Variants in NRG2 observed in about 807,000 individuals in gnomAD.
The protein encoded by NRG2 is pro-neuregulin-2, membrane-bound isoform.
In NRG2, 27 loss-of-function variants were observed where a neutral mutation model predicts 73.9. That is an observed-to-expected ratio of 0.37 (90% CI 0.27 to 0.50). NRG2 has a LOEUF of 0.50. Ranked by LOEUF, NRG2 falls within the 20% of genes least tolerant of loss-of-function variation. The pLI, the probability that NRG2 is intolerant of heterozygous loss-of-function variation, is 0.96. For missense variants in NRG2, 1,126 were observed against 1,210.1 expected (o/e 0.93, Z 1.03); for synonymous variants, 532 against 541.0 (o/e 0.98, Z 0.23).
At chr5:139,923,630 C>T (rs569237264) in intron 1 of NRG2, among the ~76,000 whole-genome samples, 1 of 152,292 alleles carries the variant, frequency 6.6e-6, no homozygotes, top group South Asian at 2.1e-4. Flanking sequence ...TACCTGTGTT[C>T]AAGGGCCAAA....
intron 1 of NRG2, among the ~76,000 whole-genome samples, chr5:139,929,575 G>C (rs1752307218): frequency 6.6e-6 from 1 of 152,220 alleles, no homozygotes. Flanking sequence ...CAGAAGCCAG[G>C]TAGGAAGAGT....
At chr5:139,978,020 G>A (rs1756506241) in intron 1 of NRG2, among the ~76,000 whole-genome samples, 1 of 152,142 alleles carries the variant, frequency 6.6e-6, no homozygotes, top group Non-Finnish European at 1.5e-5. Flanking sequence ...ATACCATTCA[G>A]GACATAGACA....
intron 1 of NRG2, among the ~76,000 whole-genome samples, chr5:139,994,969 G>A (rs893268869): frequency 7.9e-5 from 12 of 152,214 alleles, no homozygotes; most frequent in Non-Finnish European, 1.5e-4. Context: ...GTCAAAATGT[G>A]AAAGGCCTTG....
chr5:139,942,498 G>A (rs1386997759), intron 1 of NRG2, among the ~76,000 whole-genome samples: 6 of 152,112 alleles, frequency 3.9e-5, no homozygotes, highest in Non-Finnish European at 1.5e-5. Context: ...CTCATCCGTA[G>A]TTATTCTACA....
At chr5:139,892,859 G>A (rs1764304169) in intron 1 of NRG2, among the ~76,000 whole-genome samples, 1 of 152,144 alleles carries the variant, frequency 6.6e-6, no homozygotes. Context: ...GACTACTTGG[G>A]CCCTTGAGTA....
intron 1 of NRG2, among the ~76,000 whole-genome samples, chr5:139,913,377 C>T (rs1240318557): frequency 1.3e-5 from 2 of 152,208 alleles, no homozygotes; most frequent in African/African-American, 4.8e-5. Context: ...CTGAGGTGCC[C>T]ACCACAAGCC....
intron 1 of NRG2, among the ~76,000 whole-genome samples, chr5:140,018,701 G>T (rs978617497): frequency 2.0e-5 from 3 of 152,168 alleles, no homozygotes; most frequent in African/African-American, 7.2e-5. Flanking sequence ...TGCCAAGGAC[G>T]CAGACGACCA....
intron 1 of NRG2, among the ~76,000 whole-genome samples, chr5:139,942,594 C>T (rs1209745356): frequency 6.6e-6 from 1 of 152,222 alleles, no homozygotes; most frequent in African/African-American, 2.4e-5. Context: ...TTATTGTTAA[C>T]ATCTGTCAAC....
chr5:139,878,641 T>G (rs1763334306), intron 3 of NRG2, among the ~76,000 whole-genome samples: 1 of 152,206 alleles, frequency 6.6e-6, no homozygotes, highest in Non-Finnish European at 1.5e-5. Context: ...AGCCAATAAA[T>G]AAATCCCTTA....
Position 139,868,593 on chromosome 5 carries a change from G to A in NRG2, c.1113-2968C>T, listed in dbSNP as rs953728338. ...GAGAGGGGCAGAGAGGAGAGCCCACGGGCTGCATCTGGGGTGACAGAGAGG... is the reference window on the plus strand; with the variant it reads ...GAGAGGGGCAGAGAGGAGAGCCCACAGGCTGCATCTGGGGTGACAGAGAGG... On this transcript the variant is annotated intron_variant, in intron 4 of 9. Coordinates refer to ENST00000361474, the MANE Select transcript of NRG2 (RefSeq NM_004883.3). The surrounding 1 kb of genome is among the most constrained non-coding windows in gnomAD (Gnocchi z 4.2). Among the ~76,000 whole-genome samples, 13 of 151,986 alleles carry A rather than the reference G, an allele frequency of 8.6e-5. No homozygotes were observed. Among genetic ancestry groups the A allele is most frequent in the Non-Finnish European group, 1.6e-4 (11 of 67,962 alleles).
At chr5:139,961,758 A>C (rs1462823257) in intron 1 of NRG2, among the ~76,000 whole-genome samples, 1 of 152,190 alleles carries the variant, frequency 6.6e-6, no homozygotes, top group Non-Finnish European at 1.5e-5. Flanking sequence ...GGGCTGGCAA[A>C]GCAAAAGCAG....
intron 1 of NRG2, among the ~76,000 whole-genome samples, chr5:139,942,659 C>CTATGTTAACTT (rs992882285): frequency 1.3e-5 from 2 of 152,192 alleles, no homozygotes; most frequent in Non-Finnish European, 2.9e-5. Context: ...TTTAACTTTA[C>CTATGTTAACTT]TATTTATGTT....
At chr5:139,995,513 G>A (rs1442835752) in intron 1 of NRG2, among the ~76,000 whole-genome samples, 1 of 152,180 alleles carries the variant, frequency 6.6e-6, no homozygotes, top group African/African-American at 2.4e-5. Flanking sequence ...GAAGGAAGAA[G>A]CACTTAGAGG....
At chr5:139,999,943 A>C (rs1343744358) in intron 1 of NRG2, among the ~76,000 whole-genome samples, 2 of 152,182 alleles carry the variant, frequency 1.3e-5, no homozygotes, top group African/African-American at 4.8e-5. Flanking sequence ...GAAACATCAA[A>C]CTATTAGCCA....
intron 1 of NRG2, among the ~76,000 whole-genome samples, chr5:139,896,691 C>T (rs1030861588): frequency 5.9e-5 from 9 of 152,196 alleles, no homozygotes; most frequent in African/African-American, 1.4e-4. Flanking sequence ...CTGTGTCTCT[C>T]TTGACTTTCC....
chr5:140,033,851 A>G (rs951414688), intron 1 of NRG2, among the ~76,000 whole-genome samples: 1 of 152,188 alleles, frequency 6.6e-6, no homozygotes, highest in African/African-American at 2.4e-5. Context: ...TACATTTAAT[A>G]CTCATAGCAA....
intron 1 of NRG2, among the ~76,000 whole-genome samples, chr5:139,938,226 C>T (rs1415053468): frequency 1.3e-5 from 2 of 152,190 alleles, no homozygotes; most frequent in East Asian, 3.8e-4. Context: ...GAAATCTAAT[C>T]AAATCCCAGC....
intron 1 of NRG2, among the ~76,000 whole-genome samples, chr5:139,995,114 T>A (rs1473393583): frequency 1.3e-5 from 2 of 152,212 alleles, no homozygotes; most frequent in Non-Finnish European, 2.9e-5. Flanking sequence ...AATATAGTAC[T>A]GCTGAAAGAG....
intron 3 of NRG2, among the ~76,000 whole-genome samples, chr5:139,872,310 G>T (rs933127466): frequency 6.6e-6 from 1 of 152,228 alleles, no homozygotes; most frequent in Non-Finnish European, 1.5e-5. Flanking sequence ...GTGGACCAGG[G>T]AGTGGCTGGA....
Sources: allele counts gnomAD v4.1 joint callset (sites outside exome capture counted in the v4.1 genomes callset), GRCh38; gene constraint gnomAD v4.1.1; non-coding constraint Gnocchi (gnomAD v3.1); transcripts MANE v1.5; gene names NCBI Gene and HGNC (gene_info 2026-07-23, HGNC 2026-07-21).